The following WDR33 variants were observed in gnomAD, a reference collection of about 807,000 sequenced individuals.
The protein encoded by WDR33 is pre-mRNA 3' end processing protein WDR33.
Under a neutral mutation model 164.9 loss-of-function variants are expected in WDR33, and 47 were observed. The ratio of observed to expected loss-of-function variants is 0.29; its 90% confidence interval spans 0.23 to 0.36. The LOEUF (loss-of-function observed/expected upper bound fraction) is 0.36. Among genes scored for constraint, WDR33 ranks in the 10% least tolerant of loss-of-function variants. The pLI is 1.00. For synonymous variants in WDR33, 505 were observed against 589.0 expected (o/e 0.86, Z 2.06); for missense variants, 1,137 against 1,754.1 (o/e 0.65, Z 6.28).
At chr2:127,804,198 G>T (rs113574839) in intron 1 of WDR33, among the ~76,000 whole-genome samples, 47 of 152,226 alleles carry the variant, frequency 3.1e-4, no homozygotes, top group African/African-American at 1.1e-3. Flanking sequence ...GCGGGCGCCT[G>T]TAGTCCCAGC....
intron 4 of WDR33, 150 bp from the exon 5 acceptor site, chr2:127,765,419 T>C (rs1687791872): frequency 4.6e-6 from 3 of 655,802 alleles, no homozygotes; most frequent in African/African-American, 3.6e-5. Flanking sequence ...CAGAAGTACT[T>C]TGTCAGAAAA....
intron 7 of WDR33, among the ~76,000 whole-genome samples, chr2:127,739,119 T>C (rs1008563725): frequency 2.0e-5 from 3 of 152,222 alleles, no homozygotes; most frequent in Admixed American, 1.3e-4. Flanking sequence ...ACAATACCAG[T>C]ATCTACTCGT....
chr2:127,720,257 C>T lies in WDR33; in HGVS notation c.1768G>A (p.Gly590Arg), dbSNP rs762916610. The change falls in exon 16 of 22, where the codon GGA (glycine) becomes AGA (arginine). Residue 590 changes from glycine (G) to arginine (R), a missense_variant. Transcript: ENST00000322313. This position sits in a 1 kb window ranked among gnomAD's most constrained non-coding sequence, Gnocchi z 5.9. Reference protein sequence around the residue: ...TPLLGPQPFPGQGPMSQIPQG... With the variant: ...TPLLGPQPFPRQGPMSQIPQG... The stretch of plus-strand genomic sequence containing the variant: ...GGAATCTGAGACATTGGACCTTGTC[C>T]TGGAAAAGGCTGGGGTCCGAGGAGA... The T allele has an allele frequency of 1.9e-6, 3 of 1,561,334 alleles. No individual in the cohort carries two copies. The highest frequency in any genetic ancestry group is 1.4e-5 in the African/African-American group (1 of 73,200).
Position 127,706,273 on chromosome 2 carries a change from A to T in WDR33, c.*50T>A, listed in dbSNP as rs1407138706. On this transcript the variant is annotated 3_prime_UTR_variant, in exon 22 of 22. Transcript: ENST00000322313. The surrounding 1 kb of genome is among the most constrained non-coding windows in gnomAD (Gnocchi z 5.1). ...TTGTTTCTCTTGGTGAGTCCACAAG[A>T]AGTTCTTACATACTGTCCAGAGAGG... The T allele has an allele frequency of 6.9e-7, 1 of 1,452,928 alleles. No individual in the cohort carries two copies. Among genetic ancestry groups the T allele is most frequent in the Non-Finnish European group, 9.2e-7 (1 of 1,092,846 alleles). The allele number at this position is 1,452,928 out of a possible 1,614,324, so 90.0% of individuals were successfully genotyped here. A position where few individuals can be genotyped will look rare whatever the true frequency, so the allele number is the denominator to read the frequency against.
At position 127,719,593 on chromosome 2, in the gene WDR33, C is replaced by T; in HGVS notation, c.2432G>A (p.Arg811Lys). Residue 811 changes from arginine (R) to lysine (K), a missense_variant, in exon 16 of 22, where the codon AGA (arginine) becomes AAA (lysine). Arg to Lys is a conservative substitution (Grantham distance 26). Coordinates refer to ENST00000322313, the MANE Select transcript of WDR33 (RefSeq NM_018383.5). The surrounding 1 kb of genome is among the most constrained non-coding windows in gnomAD (Gnocchi z 6.5). The stretch of plus-strand genomic sequence containing the variant: ...TAGTCCACCTGGAGGGTGAGGTCCT[C>T]TCATCTCTTGAGGCGGGTGGCCCAT... ...MIMGHPPQEM[R>K]GPHPPGGLLG... 1.2e-6 allele frequency: 2 copies of T among 1,613,990 alleles called. No individual in the cohort carries two copies. Among genetic ancestry groups the T allele is most frequent in the Non-Finnish European group, 1.7e-6 (2 of 1,180,000 alleles).
intron 7 of WDR33, among the ~76,000 whole-genome samples, chr2:127,752,596 C>CAAAAAAAA (rs34369142): frequency 1.3e-5 from 1 of 76,590 alleles, no homozygotes; most frequent in Non-Finnish European, 2.6e-5. Context: ...GACTCCGTCT[C>CAAAAAAAA]AAAAAAAAAA....
chr2:127,763,734 CT>C lies in WDR33; in HGVS notation c.627-576del, dbSNP rs1687744759. Reference sequence around the variant, plus strand: ...ATGAATGTTGCACCTTTGAGGAAAACTTTAAAATAAGGACATTCAGACTTGT... The same window carrying C: ...ATGAATGTTGCACCTTTGAGGAAAACTTAAAATAAGGACATTCAGACTTGT... On this transcript the variant is annotated intron_variant, in intron 6 of 21. Transcript: ENST00000322313. This position sits in a 1 kb window ranked among gnomAD's most constrained non-coding sequence, Gnocchi z 4.5. 1 of 985,426 alleles carries C rather than the reference CT, an allele frequency of 1.0e-6. No homozygotes were observed. The highest frequency in any genetic ancestry group is 1.7e-5 in the African/African-American group (1 of 57,230). 61.0% of individuals were successfully genotyped at this position (985,426 alleles called of 1,614,324 possible).
Position 127,723,229 on chromosome 2 carries a change from A to C in WDR33, c.1291+24T>G. The C allele has an allele frequency of 6.3e-7, 1 of 1,594,032 alleles. No homozygotes were observed. ...GTAATAGAATACCAGATTTCAAAGA[A>C]GGACAGATGTGCAAGAGTCTCACCA... On this transcript the variant is annotated intron_variant, in intron 12 of 21. Transcript: ENST00000322313. This position sits in a 1 kb window ranked among gnomAD's most constrained non-coding sequence, Gnocchi z 5.9.
At chr2:127,751,602 A>AGGG (rs1687365861) in intron 7 of WDR33, among the ~76,000 whole-genome samples, 1 of 151,978 alleles carries the variant, frequency 6.6e-6, no homozygotes. Flanking sequence ...AAAGATACAA[A>AGGG]TGGAATAATT....
At chr2:127,742,860 T>TAAAAAAAAAA (rs34957656) in intron 7 of WDR33, among the ~76,000 whole-genome samples, 1 of 127,002 alleles carries the variant, frequency 7.9e-6, no homozygotes, top group Non-Finnish European at 1.7e-5. Context: ...TACTCACAGT[T>TAAAAAAAAAA]AAAAAAAAAA....
In WDR33 at chr2:127,701,435, G is replaced by T; in HGVS notation, c.*4888C>A. The T allele has an allele frequency of 5.1e-6, 6 of 1,183,552 alleles. No homozygotes were observed. Among genetic ancestry groups the T allele is most frequent in the Non-Finnish European group, 5.3e-6 (5 of 943,604 alleles). 73.3% of individuals were successfully genotyped at this position (1,183,552 alleles called of 1,614,324 possible). A position where few individuals can be genotyped will look rare whatever the true frequency, so the allele number is the denominator to read the frequency against. ...CGCCGCAGGCCCTGCCCCTTTCGCC[G>T]TCGCCGACCAATTGCCGCCCGAAGA... On this transcript the variant is annotated 3_prime_UTR_variant, in exon 22 of 22. Coordinates refer to ENST00000322313, the MANE Select transcript of WDR33 (RefSeq NM_018383.5).
rs138003188 is a variant in WDR33 at position 127,744,024 on chromosome 2, C to G, written c.725-17247G>C. 5.7e-3 allele frequency among the ~76,000 whole-genome samples: 863 copies of G among 151,428 alleles called. 13 individuals are homozygous for G. The highest frequency in any genetic ancestry group is 0.02 in the African/African-American group (807 of 41,070). On this transcript the variant is annotated intron_variant, in intron 7 of 21. Coordinates refer to ENST00000322313, the MANE Select transcript of WDR33 (RefSeq NM_018383.5). ...TCCCTCTATGGGGCTGGAGGAAAGA[C>G]TTTTTACCATGTGTGCTTATTATTA...
chr2:127,775,091 A>T (rs1688144112), intron 1 of WDR33, among the ~76,000 whole-genome samples: 1 of 152,196 alleles, frequency 6.6e-6, no homozygotes, highest in Non-Finnish European at 1.5e-5. Context: ...GAATTTACCA[A>T]ATCCCACTGA....
intron 1 of WDR33, among the ~76,000 whole-genome samples, chr2:127,791,164 A>AC (rs59673415): frequency 0.063 from 3,423 of 54,582 alleles, 131 homozygotes; most frequent in Middle Eastern, 0.13. Flanking sequence ...TCCCCACCCC[A>AC]CCCCCCCCCC....
At chr2:127,799,660 T>A (rs1689166997) in intron 1 of WDR33, among the ~76,000 whole-genome samples, 1 of 152,150 alleles carries the variant, frequency 6.6e-6, no homozygotes, top group Non-Finnish European at 1.5e-5. Flanking sequence ...CCGGACATGG[T>A]GGCAGGCACC....
intron 7 of WDR33, chr2:127,736,613 A>G (rs1686851836): frequency 1.0e-6 from 1 of 985,346 alleles, no homozygotes; most frequent in Non-Finnish European, 1.2e-6. Flanking sequence ...ATTTACATGG[A>G]AGACCAACAA....
intron 1 of WDR33, among the ~76,000 whole-genome samples, chr2:127,807,902 C>T (rs1689495934): frequency 6.6e-6 from 1 of 152,188 alleles, no homozygotes; most frequent in African/African-American, 2.4e-5. Context: ...GAATTAGAGG[C>T]TACAGTGAGC....
At chr2:127,766,170 T>C (rs1444978257) in intron 4 of WDR33, among the ~76,000 whole-genome samples, 1 of 151,312 alleles carries the variant, frequency 6.6e-6, no homozygotes, top group Non-Finnish European at 1.5e-5. Flanking sequence ...TTACTTTTTA[T>C]TTTCAAGTTT....
chr2:127,802,718 C>T (rs1689296214), intron 1 of WDR33, among the ~76,000 whole-genome samples: 1 of 152,070 alleles, frequency 6.6e-6, no homozygotes, highest in Non-Finnish European at 1.5e-5. Context: ...TGGCTCATGC[C>T]TTGTAATCCT....
Sources: gnomAD v4.1 joint callset for allele counts (sites outside exome capture counted in the v4.1 genomes callset) on GRCh38, gnomAD v4.1.1 for gene constraint, Gnocchi (gnomAD v3.1) non-coding constraint, MANE v1.5 for transcripts, NCBI Gene and HGNC (gene_info 2026-07-23, HGNC 2026-07-21) for gene names.